The following WASL variants were observed in gnomAD, a reference collection of about 807,000 sequenced individuals.
WASL encodes WASP like actin nucleation promoting factor.
A neutral mutation model predicts 55.5 loss-of-function variants in WASL; 20 were observed. The ratio of observed to expected loss-of-function variants is 0.36; its 90% CI spans 0.25 to 0.52. The LOEUF (loss-of-function observed/expected upper bound fraction) is 0.52. Among genes scored for constraint, WASL ranks in the 20% least tolerant of loss-of-function variants. The pLI is 0.92. For missense variants in WASL, 504 were observed against 622.5 expected (o/e 0.81, Z 2.03); for synonymous variants, 249 against 217.6 (o/e 1.14, Z -1.27).
chr7:123,720,650 A>ATT (rs374915810), intron 1 of WASL, among the ~76,000 whole-genome samples: 158 of 137,466 alleles, frequency 1.1e-3, no homozygotes, highest in South Asian at 2.3e-3. Flanking sequence ...ACACTGTGGG[A>ATT]TTTTTTTTTT....
At chr7:123,724,159 G>GT (rs1804002587) in intron 1 of WASL, among the ~76,000 whole-genome samples, 1 of 152,094 alleles carries the variant, frequency 6.6e-6, no homozygotes, top group African/African-American at 2.4e-5. Context: ...ATTTGAAAAC[G>GT]TAACAGGTTC....
chr7:123,735,381 GAA>G (rs35321552), intron 1 of WASL, among the ~76,000 whole-genome samples: 2 of 135,802 alleles, frequency 1.5e-5, no homozygotes, highest in African/African-American at 2.7e-5. Context: ...AAAAATGCAG[GAA>G]AAAAAAAAAA....
chr7:123,733,889 G>T (rs1363222465), intron 1 of WASL, among the ~76,000 whole-genome samples: 4 of 139,424 alleles, frequency 2.9e-5, no homozygotes, highest in Non-Finnish European at 4.6e-5. Flanking sequence ...TCAACAAGTG[G>T]TAAAAAGCTA....
At chr7:123,729,505 A>G (rs536681228) in intron 1 of WASL, among the ~76,000 whole-genome samples, 11 of 152,308 alleles carry the variant, frequency 7.2e-5, no homozygotes, top group African/African-American at 2.2e-4. Flanking sequence ...GCAGCTGTGT[A>G]TTACATAATG....
chr7:123,743,853 GA>G (rs762415442), intron 1 of WASL, among the ~76,000 whole-genome samples: 5 of 152,160 alleles, frequency 3.3e-5, no homozygotes, highest in African/African-American at 4.8e-5. Flanking sequence ...AGAATAACCA[GA>G]AGTAAAATTC....
chr7:123,696,807 A>C, intron 5 of WASL, 60 bp from the exon 6 acceptor site: 1 of 1,130,056 alleles, frequency 8.8e-7, no homozygotes. Flanking sequence ...ATATACAATC[A>C]TAATTTACAA....
intron 1 of WASL, among the ~76,000 whole-genome samples, chr7:123,734,402 T>C (rs1804191807): frequency 6.6e-6 from 1 of 152,004 alleles, no homozygotes; most frequent in African/African-American, 2.4e-5. Flanking sequence ...TCATATGGCA[T>C]TAGGGAATTG....
At chr7:123,728,228 G>A (rs1181885136) in intron 1 of WASL, among the ~76,000 whole-genome samples, 1 of 152,118 alleles carries the variant, frequency 6.6e-6, no homozygotes, top group Non-Finnish European at 1.5e-5. Context: ...CCTGGGGACT[G>A]GGCACTTTCA....
In WASL at chr7:123,739,906, GTGTGTGTGTATATA is replaced by G. The variant is rs1306797697; in HGVS notation, c.117+8698_117+8711del. On this transcript the variant is annotated intron_variant, in intron 1 of 10. Transcript: ENST00000223023. ...TGTGTGTGTGTGTGTGTGTGTGTGT[GTGTGTGTGTATATA>G]TATATATATATGCTGGTTTGCAGCA... Among the ~76,000 whole-genome samples, 207 of 29,858 alleles carry G rather than the reference GTGTGTGTGTATATA, an allele frequency of 6.9e-3. 2 individuals carry two copies. Among genetic ancestry groups the G allele is most frequent in the South Asian group, 0.034 (23 of 684 alleles). The allele number at this position is 29,858 out of a possible 152,430, so 19.6% of individuals were successfully genotyped here. A position where few individuals can be genotyped will look rare whatever the true frequency, so the allele number is the denominator to read the frequency against.
chr7:123,684,754 G>C (rs1440309624), intron 10 of WASL, among the ~76,000 whole-genome samples, 174 bp from the exon 11 acceptor site: 2 of 151,924 alleles, frequency 1.3e-5, no homozygotes, highest in Non-Finnish European at 2.9e-5. Context: ...TATAGAGTAT[G>C]ATAGTAAACT....
chr7:123,693,573 C>T (rs959566478), intron 8 of WASL, among the ~76,000 whole-genome samples: 1 of 152,196 alleles, frequency 6.6e-6, no homozygotes, highest in African/African-American at 2.4e-5. Flanking sequence ...AATTTCCATA[C>T]ACTGCAAAAT....
chr7:123,706,281 T>A lies in WASL; in HGVS notation c.432A>T (p.Lys144Asn). The change falls in exon 4 of 11, where the codon AAA becomes AAT. Residue 144 changes from lysine (K) to asparagine (N), a missense_variant. Lys to Asn is a moderately conservative substitution (Grantham distance 94, BLOSUM62 0). Transcript: ENST00000223023. The stretch of plus-strand genomic sequence containing the variant: ...AAGTAATTAAAAAAGGGTTACCAGA[T>A]TTCCTTTGTCGACGGCCCAAAAGGT... ...VTDLLGRRQR[K>N]SEKRRDPPNG... 1 of 1,613,386 alleles carries A rather than the reference T, an allele frequency of 6.2e-7. No homozygotes were observed. Among genetic ancestry groups the A allele is most frequent in the South Asian group, 1.1e-5 (1 of 90,918 alleles).
At chr7:123,700,018 T>C (rs1387466973) in intron 5 of WASL, among the ~76,000 whole-genome samples, 1 of 151,168 alleles carries the variant, frequency 6.6e-6, no homozygotes, top group African/African-American at 2.4e-5. Flanking sequence ...CTACTAACAA[T>C]ACAAAAAATT....
intron 6 of WASL, among the ~76,000 whole-genome samples, chr7:123,696,194 T>A (rs1430652577): frequency 1.3e-5 from 2 of 152,076 alleles, no homozygotes; most frequent in African/African-American, 4.8e-5. Flanking sequence ...AAATAATGCA[T>A]ATGAAAATGC....
chr7:123,686,837 T>G (rs184029324), intron 10 of WASL, among the ~76,000 whole-genome samples: 27 of 152,296 alleles, frequency 1.8e-4, no homozygotes, highest in Admixed American at 1.7e-3. Flanking sequence ...AGAATTTAGG[T>G]AATTTTCACT....
chr7:123,731,144 G>A (rs553738144), intron 1 of WASL, among the ~76,000 whole-genome samples: 4 of 152,122 alleles, frequency 2.6e-5, no homozygotes, highest in African/African-American at 4.8e-5. Flanking sequence ...GTATGCTTCA[G>A]AGTAAGTATG....
chr7:123,698,728 C>G (rs1409153232), intron 5 of WASL, among the ~76,000 whole-genome samples: 1 of 151,986 alleles, frequency 6.6e-6, no homozygotes, highest in Non-Finnish European at 1.5e-5. Context: ...ATAACTAGAT[C>G]AGTAAGTAAA....
intron 7 of WASL, among the ~76,000 whole-genome samples, chr7:123,695,190 A>C (rs1284923305): frequency 6.6e-6 from 1 of 152,174 alleles, no homozygotes; most frequent in Non-Finnish European, 1.5e-5. Context: ...TAAACACAAA[A>C]AAAGTAAATT....
chr7:123,734,688 A>G (rs986391261), intron 1 of WASL, among the ~76,000 whole-genome samples: 10 of 151,876 alleles, frequency 6.6e-5, no homozygotes, highest in East Asian at 1.9e-4. Flanking sequence ...TAGGGCAGTT[A>G]AACTATTCTG....
Sources: gnomAD v4.1 joint callset for allele counts (sites outside exome capture counted in the v4.1 genomes callset) on GRCh38, gnomAD v4.1.1 for gene constraint, MANE v1.5 for transcripts, NCBI Gene and HGNC (gene_info 2026-07-23, HGNC 2026-07-21) for gene names.